Variants in PLXDC2 observed in about 807,000 individuals in gnomAD.
The protein encoded by PLXDC2 is plexin domain-containing protein 2.
In PLXDC2, 40 loss-of-function variants were observed where a neutral mutation model predicts 68.9. The observed-to-expected ratio is 0.58, with a 90% CI of 0.45 to 0.76. The LOEUF (loss-of-function observed/expected upper bound fraction) is 0.76, where lower values mean the gene tolerates loss of function less well. Ranked by LOEUF, PLXDC2 falls within the 30% of genes least tolerant of loss-of-function variation. The pLI is 0.00. For synonymous variants in PLXDC2, 243 were observed against 234.2 expected, an observed-to-expected ratio of 1.04 and a Z score of -0.34; for missense variants, 644 against 661.9, an observed-to-expected ratio of 0.97 and a Z score of 0.30.
chr10:20,080,033 T>C (rs991807739), intron 4 of PLXDC2, among the ~76,000 whole-genome samples: 6 of 152,104 alleles, frequency 3.9e-5, no homozygotes, highest in African/African-American at 1.4e-4. Context: ...TTCTCCTTAA[T>C]ATATAAAGAG....
intron 13 of PLXDC2, among the ~76,000 whole-genome samples, chr10:20,276,183 A>G (rs1313332325): frequency 1.3e-5 from 2 of 152,120 alleles, no homozygotes; most frequent in Non-Finnish European, 2.9e-5. Context: ...TAATTTCAAA[A>G]TCAGTCCCTT....
At chr10:19,898,822 C>A (rs1396911194) in intron 1 of PLXDC2, among the ~76,000 whole-genome samples, 1 of 151,968 alleles carries the variant, frequency 6.6e-6, no homozygotes, top group Non-Finnish European at 1.5e-5. Flanking sequence ...TAAAATAAAG[C>A]TTGAAGGGTG....
intron 13 of PLXDC2, among the ~76,000 whole-genome samples, chr10:20,268,738 G>A (rs1227489124): frequency 6.6e-6 from 1 of 152,188 alleles, no homozygotes; most frequent in Non-Finnish European, 1.5e-5. Flanking sequence ...AACACAGCCA[G>A]TCTGTTGTAG....
intron 12 of PLXDC2, among the ~76,000 whole-genome samples, chr10:20,235,810 T>C (rs1835424946): frequency 6.6e-6 from 1 of 152,216 alleles, no homozygotes; most frequent in Non-Finnish European, 1.5e-5. Flanking sequence ...ATAAATGATC[T>C]GTTTGAACAT....
intron 9 of PLXDC2, among the ~76,000 whole-genome samples, chr10:20,202,260 C>T (rs1467676655): frequency 6.6e-6 from 1 of 152,076 alleles, no homozygotes; most frequent in Non-Finnish European, 1.5e-5. Context: ...ACGTAAATCC[C>T]CAAACACAGT....
At chr10:19,837,582 G>T (rs1037278930) in intron 1 of PLXDC2, among the ~76,000 whole-genome samples, 1 of 152,150 alleles carries the variant, frequency 6.6e-6, no homozygotes, top group Non-Finnish European at 1.5e-5. Flanking sequence ...TACATAGTTT[G>T]TGCTTGCTGA....
At chr10:20,248,335 A>T (rs1191012449) in intron 13 of PLXDC2, among the ~76,000 whole-genome samples, 1 of 152,198 alleles carries the variant, frequency 6.6e-6, no homozygotes. Context: ...GTATACGTAC[A>T]CATGTATTTA....
chr10:20,040,529 A>G (rs1371435568), intron 2 of PLXDC2, among the ~76,000 whole-genome samples: 1 of 152,054 alleles, frequency 6.6e-6, no homozygotes, highest in Non-Finnish European at 1.5e-5. Flanking sequence ...ACCCTAATTA[A>G]CATAAATCCT....
In PLXDC2 at chr10:19,901,078, G is replaced by C. The variant is rs1838152113; in HGVS notation, c.112+83887G>C. Among the ~76,000 whole-genome samples, 7 of 151,002 alleles carry C rather than the reference G, an allele frequency of 4.6e-5. No individual in the cohort carries two copies. In the South Asian group the frequency reaches 1.5e-3, roughly 32 times the overall value. The stretch of plus-strand genomic sequence containing the variant: ...CAATTTATTTATATACTCATTAATT[G>C]ATGGACATTTGGGCTGGCTCTATAT... On this transcript the variant is annotated intron_variant, in intron 1 of 13. Coordinates refer to ENST00000377252, the MANE Select transcript of PLXDC2 (RefSeq NM_032812.9).
intron 1 of PLXDC2, among the ~76,000 whole-genome samples, chr10:19,940,087 C>A (rs368854045): frequency 1.8e-4 from 27 of 151,516 alleles, no homozygotes; most frequent in Admixed American, 5.2e-4. Flanking sequence ...TATAGTCATG[C>A]GAAAGAATCT....
chr10:20,118,047 G>C (rs182613452), intron 4 of PLXDC2, among the ~76,000 whole-genome samples: 4 of 151,096 alleles, frequency 2.6e-5, no homozygotes, highest in South Asian at 2.1e-4. Context: ...TATATATGTA[G>C]CTACATGTAT....
chr10:20,060,757 A>T (rs1212447581), intron 3 of PLXDC2, among the ~76,000 whole-genome samples: 1 of 152,176 alleles, frequency 6.6e-6, no homozygotes, highest in African/African-American at 2.4e-5. Flanking sequence ...TTTAGAGAAA[A>T]TTATGTTGTT....
At chr10:20,050,415 G>C (rs1254907495) in intron 3 of PLXDC2, among the ~76,000 whole-genome samples, 1 of 152,030 alleles carries the variant, frequency 6.6e-6, no homozygotes, top group Non-Finnish European at 1.5e-5. Flanking sequence ...TATCAATAGG[G>C]TAAAGAGACA....
intron 1 of PLXDC2, among the ~76,000 whole-genome samples, chr10:19,833,834 C>T (rs1232169211): frequency 6.6e-6 from 1 of 152,038 alleles, no homozygotes; most frequent in Admixed American, 6.6e-5. Context: ...AAAAAGACAC[C>T]TGTTCTAAGA....
chr10:19,997,887 T>C (rs1381185974), intron 1 of PLXDC2, among the ~76,000 whole-genome samples: 2 of 152,224 alleles, frequency 1.3e-5, no homozygotes, highest in Non-Finnish European at 2.9e-5. Context: ...ATCTCAAGAA[T>C]GTGTTAAGAT....
chr10:19,956,135 T>G (rs2131598971), intron 1 of PLXDC2, among the ~76,000 whole-genome samples: 1 of 152,304 alleles, frequency 6.6e-6, no homozygotes, highest in East Asian at 1.9e-4. Context: ...TCATCTCTAT[T>G]AGGCTGTAAA....
intron 1 of PLXDC2, among the ~76,000 whole-genome samples, chr10:19,872,273 G>A (rs1431005890): frequency 2.0e-5 from 3 of 152,202 alleles, no homozygotes; most frequent in Non-Finnish European, 2.9e-5. Flanking sequence ...CTGAGGTGAC[G>A]TTCAGCCCCA....
intron 1 of PLXDC2, among the ~76,000 whole-genome samples, chr10:19,895,639 C>T (rs1029855248): frequency 1.3e-5 from 2 of 152,178 alleles, no homozygotes; most frequent in African/African-American, 2.4e-5. Flanking sequence ...ATTTTACCCA[C>T]TCAGTAGTCA....
chr10:19,985,730 C>T (rs577968507), intron 1 of PLXDC2, among the ~76,000 whole-genome samples: 2 of 152,278 alleles, frequency 1.3e-5, no homozygotes, highest in Admixed American at 6.5e-5. Flanking sequence ...GTGGTGAAAA[C>T]ATATACTCAA....
Sources: allele counts gnomAD v4.1 joint callset (sites outside exome capture counted in the v4.1 genomes callset), GRCh38; gene constraint gnomAD v4.1.1; transcripts MANE v1.5; gene names NCBI Gene and HGNC (gene_info 2026-07-23, HGNC 2026-07-21).